SEPTIN2: variants seen among roughly 807,000 people sequenced by gnomAD.
The protein encoded by SEPTIN2 is septin 2.
A neutral mutation model predicts 46.5 loss-of-function variants in SEPTIN2; 34 were observed. The ratio of observed to expected loss-of-function variants is 0.73; its 90% CI spans 0.56 to 0.97. The LOEUF (loss-of-function observed/expected upper bound fraction) is 0.97, where lower values mean the gene tolerates loss of function less well. Ranked by LOEUF, SEPTIN2 falls within the 50% of genes least tolerant of loss-of-function variation. The pLI is 0.00. For synonymous variants in SEPTIN2, 175 were observed against 153.4 expected (o/e 1.14, Z -1.04); for missense variants, 347 against 448.4 (o/e 0.77, Z 2.04).
intron 9 of SEPTIN2, among the ~76,000 whole-genome samples, chr2:241,344,248 C>T (rs999287583): frequency 6.6e-6 from 1 of 152,172 alleles, no homozygotes; most frequent in Admixed American, 6.5e-5. Flanking sequence ...AACAGTCAGG[C>T]TGTATAGGCC....
chr2:241,328,635 G>A (rs1181703512), intron 3 of SEPTIN2, among the ~76,000 whole-genome samples: 38 of 152,076 alleles, frequency 2.5e-4, no homozygotes, highest in Non-Finnish European at 5.0e-4. Context: ...CCAGCTACTC[G>A]GGAGGCTGAG....
At chr2:241,338,732 A>AT (rs1169898222) in intron 7 of SEPTIN2, among the ~76,000 whole-genome samples, 4 of 83,398 alleles carry the variant, frequency 4.8e-5, no homozygotes, top group Non-Finnish European at 9.2e-5. Context: ...TATTATATAT[A>AT]TTATATTATT....
At chr2:241,320,411 C>A in intron 1 of SEPTIN2, 1 of 423,250 alleles carries the variant, frequency 2.4e-6, no homozygotes, top group South Asian at 1.7e-5. Flanking sequence ...CATTTTGCTA[C>A]ATGTAGTCTT....
rs898483160 is a variant in SEPTIN2, at chr2:241,335,032, A to T, written c.131-94A>T. 17 of 766,956 alleles carry T rather than the reference A, an allele frequency of 2.2e-5. No homozygotes were observed. In the African/African-American group the frequency reaches 2.4e-4, roughly 11 times the overall value. The allele number at this position is 766,956 out of a possible 1,614,324, so 47.5% of individuals were successfully genotyped here. A position where few individuals can be genotyped will look rare whatever the true frequency, so the allele number is the denominator to read the frequency against. ...AAACACAGAATGATGTTTGTGAGGT[A>T]CTTAGCCCAGTACCAGGCCTTATGT... On this transcript the variant is annotated intron_variant, in intron 3 of 12. Coordinates refer to ENST00000391971, the MANE Select transcript of SEPTIN2 (RefSeq NM_004404.5).
intron 2 of SEPTIN2, chr2:241,324,456 C>T (rs1468079288): frequency 1.9e-6 from 1 of 516,188 alleles, no homozygotes; most frequent in South Asian, 2.0e-5. Context: ...GGCATGATCT[C>T]AGCTCACTGC....
intron 1 of SEPTIN2, among the ~76,000 whole-genome samples, chr2:241,319,455 A>C (rs1293317660): frequency 6.6e-6 from 1 of 152,240 alleles, no homozygotes; most frequent in Non-Finnish European, 1.5e-5. Flanking sequence ...GTTTTCATGT[A>C]AGTGCTTAAA....
At chr2:241,346,112 C>G in intron 9 of SEPTIN2, 54 bp from the exon 10 acceptor site, 1 of 1,327,046 alleles carries the variant, frequency 7.5e-7, no homozygotes. Context: ...TTTTTTTTCT[C>G]ATGAGAATGT....
At chr2:241,350,768 C>T (rs572068887) in intron 12 of SEPTIN2, among the ~76,000 whole-genome samples, 2 of 151,940 alleles carry the variant, frequency 1.3e-5, no homozygotes, top group African/African-American at 2.4e-5. Flanking sequence ...GCTGGTCTGC[C>T]TGCTTGAAAA....
chr2:241,338,015 A>G lies in SEPTIN2; in HGVS notation c.594+225A>G, dbSNP rs555584008. Among the ~76,000 whole-genome samples, 17 of 152,276 alleles carry G rather than the reference A, an allele frequency of 1.1e-4. 1 individual carries two copies. In the South Asian group the frequency reaches 3.5e-3, roughly 32 times the overall value. ...TTTCTATTCTTTAAATTCTCCTTAT[A>G]TTTAAAATGCCCTCGATGAGTAGCA... is the stretch of plus-strand genomic sequence containing the variant. On this transcript the variant is annotated intron_variant, in intron 7 of 12. Transcript: ENST00000391971.
rs553697322 is a variant in SEPTIN2 at position 241,316,388 on chromosome 2, C to G, written c.-18+406C>G. 254 of 984,468 alleles carry G rather than the reference C, an allele frequency of 2.6e-4. 2 individuals carry two copies. The Admixed American group carries it at 7.2e-3, about 28-fold the overall frequency. The allele number at this position is 984,468 out of a possible 1,614,324, so 61.0% of individuals were successfully genotyped here. On this transcript the variant is annotated intron_variant, in intron 1 of 12. Transcript: ENST00000391971. ...AAACACTTAGAGCTTGTGTGGCCAT[C>G]TTGTCTTTCTAACGGTGCCATTTCC...
chr2:241,348,699 A>G (rs1423681239), intron 11 of SEPTIN2, among the ~76,000 whole-genome samples: 2 of 152,186 alleles, frequency 1.3e-5, no homozygotes, highest in African/African-American at 2.4e-5. Flanking sequence ...GGATATTTAC[A>G]TAGCATACAT....
At chr2:241,348,873 A>G (rs1028263405) in intron 11 of SEPTIN2, among the ~76,000 whole-genome samples, 3 of 152,244 alleles carry the variant, frequency 2.0e-5, no homozygotes, top group Non-Finnish European at 2.9e-5. Context: ...CAATAGGATC[A>G]TAATGGGCTA....
rs1017865797 is a variant in SEPTIN2 at position 241,335,982 on chromosome 2, T to A, written c.225T>A (p.Ile75=). 1.9e-6 allele frequency: 3 copies of A among 1,614,054 alleles called. No homozygotes were observed. The highest frequency in any genetic ancestry group is 1.7e-5 in the Admixed American group (1 of 60,006). ...ERVIPGAAEK[I]ERTVQIEAST... The stretch of plus-strand genomic sequence containing the variant: ...AGTTTGTTTCTTTTCTAGAAAAAAT[T>A]GAAAGAACTGTCCAGATTGAGGCTT... The change falls in exon 5 of 13, where the codon ATT becomes ATA. Residue 75 remains isoleucine (I), a synonymous_variant. Transcript: ENST00000391971.
chr2:241,335,069 C>T (rs1203222863), intron 3 of SEPTIN2, 57 bp from the exon 4 acceptor site: 10 of 1,233,486 alleles, frequency 8.1e-6, no homozygotes, highest in African/African-American at 1.5e-5. Flanking sequence ...AACACTTAAC[C>T]GATTGAATGG....
In SEPTIN2 at chr2:241,350,118, C is replaced by G; in HGVS notation, c.1030C>G (p.Gln344Glu). ...GATTGCAAGGATGCAGGCGCAGATG[C>G]AGATGCAGATGCAGGGCGGGGATGG... ...EMIARMQAQM[Q>E]MQMQGGDGDG... Residue 344 changes from glutamine (Q) to glutamate (E), a missense_variant, in exon 12 of 13, where the codon CAG becomes GAG. Transcript: ENST00000391971. 1.9e-6 allele frequency: 3 copies of G among 1,614,136 alleles called. No homozygotes were observed. Among genetic ancestry groups the G allele is most frequent in the African/African-American group, 2.7e-5 (2 of 75,060 alleles).
chr2:241,336,840 A>G (rs1250340409), intron 5 of SEPTIN2: 1 of 170,488 alleles, frequency 5.9e-6, no homozygotes. Context: ...TCATGCCTGT[A>G]ATCCCAGCAC....
At chr2:241,329,218 C>A (rs531002895) in intron 3 of SEPTIN2, among the ~76,000 whole-genome samples, 2 of 151,608 alleles carry the variant, frequency 1.3e-5, no homozygotes, top group African/African-American at 4.8e-5. Flanking sequence ...CTCCACCTCC[C>A]GGGTTCACGC....
intron 1 of SEPTIN2, among the ~76,000 whole-genome samples, chr2:241,323,009 C>T (rs1161315701): frequency 6.6e-6 from 1 of 151,872 alleles, no homozygotes; most frequent in Non-Finnish European, 1.5e-5. Context: ...TATACAGTTG[C>T]TTTTATCAAC....
chr2:241,329,805 AGAG>A (rs1378215864), intron 3 of SEPTIN2, among the ~76,000 whole-genome samples: 2 of 152,228 alleles, frequency 1.3e-5, no homozygotes, highest in African/African-American at 4.8e-5. Flanking sequence ...AGGCAAAGGC[AGAG>A]GAGAACAAAG....
Sources: gnomAD v4.1 joint callset for allele counts (sites outside exome capture counted in the v4.1 genomes callset) on GRCh38, gnomAD v4.1.1 for gene constraint, MANE v1.5 for transcripts, NCBI Gene and HGNC (gene_info 2026-07-23, HGNC 2026-07-21) for gene names.